The following TOM1L2 variants were observed in gnomAD, a reference collection of about 807,000 sequenced individuals.
The protein encoded by TOM1L2 is target of myb1 like 2 membrane trafficking protein.
A neutral mutation model predicts 67.9 loss-of-function variants in TOM1L2; 31 were observed. The observed-to-expected ratio is 0.46, with a 90% confidence interval of 0.34 to 0.62. TOM1L2 has a LOEUF of 0.62. Among genes scored for constraint, TOM1L2 ranks in the 20% least tolerant of loss-of-function variants. The pLI, the probability that TOM1L2 is intolerant of heterozygous loss-of-function variation, is 0.01. For synonymous variants in TOM1L2, 256 were observed against 254.0 expected, an observed-to-expected ratio of 1.01 and a Z score of -0.07; for missense variants, 606 against 663.5, an observed-to-expected ratio of 0.91 and a Z score of 0.95.
At chr17:17,903,049 T>C (rs964197583) in intron 2 of TOM1L2, among the ~76,000 whole-genome samples, 3 of 152,120 alleles carry the variant, frequency 2.0e-5, no homozygotes, top group Non-Finnish European at 4.4e-5. Flanking sequence ...GCTGATACCC[T>C]GGCACTCTGT....
intron 2 of TOM1L2, among the ~76,000 whole-genome samples, chr17:17,903,916 G>C (rs180994680): frequency 2.6e-5 from 4 of 152,252 alleles, no homozygotes; most frequent in African/African-American, 9.6e-5. Context: ...GAGGCCTTCA[G>C]GGAGGGCACA....
chr17:17,876,130 C>T (rs889095863), intron 7 of TOM1L2, among the ~76,000 whole-genome samples: 1 of 152,206 alleles, frequency 6.6e-6, no homozygotes, highest in Non-Finnish European at 1.5e-5. Context: ...ACAGAGGACA[C>T]TGGATGACAT....
intron 1 of TOM1L2, among the ~76,000 whole-genome samples, chr17:17,965,543 A>G (rs2041844542): frequency 6.6e-6 from 1 of 152,096 alleles, no homozygotes. Context: ...TCCCTCCTAC[A>G]GTGTTCCTCC....
At chr17:17,962,246 A>C (rs957268433) in intron 1 of TOM1L2, among the ~76,000 whole-genome samples, 1 of 151,732 alleles carries the variant, frequency 6.6e-6, no homozygotes, top group Non-Finnish European at 1.5e-5. Flanking sequence ...GGCTGGGGGG[A>C]GGAGGGAACA....
chr17:17,893,537 A>C (rs1050798682), intron 4 of TOM1L2, 124 bp downstream of exon 4: 2 of 985,890 alleles, frequency 2.0e-6, no homozygotes, highest in Admixed American at 2.6e-5. Context: ...TTTTGCACCA[A>C]ATATTTTAAA....
rs904005104 is a variant in TOM1L2 at position 17,845,600 on chromosome 17, C to G, written c.*2035G>C. Reference sequence around the variant, plus strand: ...GGAGCACTGACTGCCCGAGGTCGGACCGCCCACCACCCGCAGGCCCAGCTC... The same window carrying G: ...GGAGCACTGACTGCCCGAGGTCGGAGCGCCCACCACCCGCAGGCCCAGCTC... On this transcript the variant is annotated 3_prime_UTR_variant, in exon 15 of 15. Transcript: ENST00000379504. 6.6e-6 allele frequency: 1 copy of G among 152,250 alleles called. No homozygotes were observed. The highest frequency in any genetic ancestry group is 2.4e-5 in the African/African-American group (1 of 41,458). The allele number at this position is 152,250 out of a possible 1,614,324, so 9.4% of individuals were successfully genotyped here.
chr17:17,903,631 T>A (rs8067044), intron 2 of TOM1L2, among the ~76,000 whole-genome samples: 29,321 of 146,366 alleles, frequency 0.2, 3,817 homozygotes, highest in Middle Eastern at 0.35. Context: ...AAAAAAAAAA[T>A]GTTGGGTAAA....
At chr17:17,866,795 A>G in intron 9 of TOM1L2, 81 bp downstream of exon 9, 1 of 1,331,360 alleles carries the variant, frequency 7.5e-7, no homozygotes, top group South Asian at 1.2e-5. Flanking sequence ...AGTTAGAAAA[A>G]CTGGAGGTCT....
intron 2 of TOM1L2, among the ~76,000 whole-genome samples, chr17:17,900,212 T>C (rs1415708900): frequency 6.8e-6 from 1 of 146,634 alleles, no homozygotes; most frequent in Admixed American, 6.9e-5. Context: ...AAACTTCATC[T>C]CCATAAAAAT....
intron 1 of TOM1L2, among the ~76,000 whole-genome samples, chr17:17,936,823 A>C (rs2040533462): frequency 6.6e-6 from 1 of 152,244 alleles, no homozygotes; most frequent in South Asian, 2.1e-4. Flanking sequence ...TTATAGTAGT[A>C]ACCTTTGTGT....
chr17:17,866,954 G>A (rs2036882521), intron 8 of TOM1L2, 30 bp from the exon 9 acceptor site: 1 of 1,611,612 alleles, frequency 6.2e-7, no homozygotes, highest in East Asian at 2.2e-5. Context: ...CAGAAGTAAG[G>A]AGAGAGGATG....
intron 4 of TOM1L2, among the ~76,000 whole-genome samples, chr17:17,888,452 T>G (rs2038103619): frequency 6.6e-6 from 1 of 152,234 alleles, no homozygotes; most frequent in Non-Finnish European, 1.5e-5. Flanking sequence ...TGATTTAAAC[T>G]ATGGGCTCTG....
At chr17:17,928,159 C>CA (rs776041143) in intron 1 of TOM1L2, among the ~76,000 whole-genome samples, 19 of 150,558 alleles carry the variant, frequency 1.3e-4, no homozygotes, top group African/African-American at 3.9e-4. Context: ...TCTGTAACAA[C>CA]AAAAAAAATC....
At chr17:17,900,534 A>G (rs1277082162) in intron 2 of TOM1L2, among the ~76,000 whole-genome samples, 1 of 151,786 alleles carries the variant, frequency 6.6e-6, no homozygotes, top group East Asian at 1.9e-4. Context: ...AAAAAAAAAA[A>G]AAAAAGAGAG....
chr17:17,956,648 G>A lies in TOM1L2; in HGVS notation c.52+15614C>T, dbSNP rs1009611398. On this transcript the variant is annotated intron_variant, in intron 1 of 14. Coordinates refer to ENST00000379504, the MANE Select transcript of TOM1L2 (RefSeq NM_001082968.2). ...CAGAGTCCTGCCCCGCAGGGAGACC[G>A]CTGAGACCCGGCGAGAATTCCAGCA... is the stretch of plus-strand genomic sequence containing the variant. 3.9e-5 allele frequency among the ~76,000 whole-genome samples: 6 copies of A among 152,218 alleles called. No individual in the cohort carries two copies. In the South Asian group the frequency reaches 6.2e-4, roughly 16 times the overall value.
At chr17:17,913,658 A>G (rs531429742) in intron 1 of TOM1L2, among the ~76,000 whole-genome samples, 5 of 152,314 alleles carry the variant, frequency 3.3e-5, no homozygotes, top group Admixed American at 2.0e-4. Flanking sequence ...GTTCTTTATA[A>G]TCAAAATGGG....
chr17:17,948,657 A>G (rs1399218171), intron 1 of TOM1L2, among the ~76,000 whole-genome samples: 1 of 152,140 alleles, frequency 6.6e-6, no homozygotes, highest in African/African-American at 2.4e-5. Flanking sequence ...ACCTCAAAAA[A>G]AAAAGGTGGC....
intron 1 of TOM1L2, among the ~76,000 whole-genome samples, chr17:17,911,735 G>A (rs1052808492): frequency 3.3e-5 from 5 of 149,640 alleles, no homozygotes; most frequent in Non-Finnish European, 7.4e-5. Flanking sequence ...GACAATAGTG[G>A]AGGGAAGGTC....
chr17:17,898,934 A>G (rs920711451), intron 2 of TOM1L2, among the ~76,000 whole-genome samples: 1 of 152,258 alleles, frequency 6.6e-6, no homozygotes, highest in Admixed American at 6.5e-5. Context: ...AGACATGTGC[A>G]TAAAGTTCTT....
Sources: gnomAD v4.1 joint callset for allele counts (sites outside exome capture counted in the v4.1 genomes callset) on GRCh38, gnomAD v4.1.1 for gene constraint, MANE v1.5 for transcripts, NCBI Gene and HGNC (gene_info 2026-07-23, HGNC 2026-07-21) for gene names.